Variants in GALNTL6 observed in about 807,000 individuals in gnomAD.
GALNTL6 encodes the protein polypeptide N-acetylgalactosaminyltransferase-like 6.
In GALNTL6, 46 loss-of-function variants were observed where a neutral mutation model predicts 73.7. That is an observed-to-expected ratio of 0.62 (90% CI 0.49 to 0.80). GALNTL6 has a LOEUF of 0.80. Ranked by LOEUF, GALNTL6 falls within the 30% of genes least tolerant of loss-of-function variation. The pLI is 0.00. For missense variants in GALNTL6, 604 were observed against 755.0 expected, an observed-to-expected ratio of 0.80 and a Z score of 2.34; for synonymous variants, 259 against 263.7, an observed-to-expected ratio of 0.98 and a Z score of 0.17.
intron 2 of GALNTL6, among the ~76,000 whole-genome samples, chr4:171,844,136 A>C (rs1735310625): frequency 6.6e-6 from 1 of 152,268 alleles, no homozygotes; most frequent in East Asian, 1.9e-4. Context: ...ATATTTCTTA[A>C]TGTTACCTAT....
intron 2 of GALNTL6, among the ~76,000 whole-genome samples, chr4:171,916,944 G>A (rs1383819389): frequency 2.0e-5 from 3 of 151,938 alleles, no homozygotes; most frequent in Non-Finnish European, 2.9e-5. Flanking sequence ...ACCCACGCAG[G>A]GAGAGTTTAG....
At chr4:172,973,473 A>C (rs1034700182) in intron 10 of GALNTL6, among the ~76,000 whole-genome samples, 1 of 152,208 alleles carries the variant, frequency 6.6e-6, no homozygotes, top group African/African-American at 2.4e-5. Flanking sequence ...AATTTAGTCA[A>C]TAAGTCCGTG....
chr4:172,417,343 C>T (rs753717018), intron 5 of GALNTL6, among the ~76,000 whole-genome samples: 9 of 152,096 alleles, frequency 5.9e-5, no homozygotes, highest in African/African-American at 2.2e-4. Context: ...AAGCCTAAGA[C>T]CTCAGTTTGT....
chr4:173,007,282 G>A (rs1752343953), intron 10 of GALNTL6, among the ~76,000 whole-genome samples: 1 of 152,130 alleles, frequency 6.6e-6, no homozygotes, highest in African/African-American at 2.4e-5. Flanking sequence ...CCAGGCAAAA[G>A]AACCTTGGTT....
intron 10 of GALNTL6, among the ~76,000 whole-genome samples, chr4:172,994,589 C>G (rs1751693671): frequency 6.6e-6 from 1 of 152,176 alleles, no homozygotes; most frequent in South Asian, 2.1e-4. Context: ...CTTTGTTCCC[C>G]TTAAAGAGCC....
intron 2 of GALNTL6, among the ~76,000 whole-genome samples, chr4:172,092,875 CTTTTT>C (rs201817743): frequency 7.7e-6 from 1 of 130,372 alleles, no homozygotes; most frequent in Non-Finnish European, 1.7e-5. Flanking sequence ...TTTTTCTTTT[CTTTTT>C]TTTTTTTTTT....
At chr4:172,939,140 T>G (rs2111341320) in intron 9 of GALNTL6, among the ~76,000 whole-genome samples, 1 of 152,192 alleles carries the variant, frequency 6.6e-6, no homozygotes, top group Non-Finnish European at 1.5e-5. Flanking sequence ...AGTTTTTTTT[T>G]TTAAAGTTAC....
chr4:171,891,489 T>C (rs1436172397), intron 2 of GALNTL6, among the ~76,000 whole-genome samples: 1 of 152,156 alleles, frequency 6.6e-6, no homozygotes, highest in African/African-American at 2.4e-5. Flanking sequence ...AACAGGTAGA[T>C]TGAAAAAAAG....
At chr4:172,119,039 G>T (rs1042242778) in intron 2 of GALNTL6, among the ~76,000 whole-genome samples, 3 of 151,856 alleles carry the variant, frequency 2.0e-5, no homozygotes, top group Non-Finnish European at 4.4e-5. Context: ...TGAGTACATG[G>T]TCTTAATAAA....
intron 5 of GALNTL6, among the ~76,000 whole-genome samples, chr4:172,414,567 T>C (rs1477467953): frequency 6.6e-6 from 1 of 152,166 alleles, no homozygotes; most frequent in Non-Finnish European, 1.5e-5. Context: ...TATTGTCAAA[T>C]AGAGCACACT....
At chr4:172,066,535 C>CTT (rs34015763) in intron 2 of GALNTL6, among the ~76,000 whole-genome samples, 3,152 of 142,328 alleles carry the variant, frequency 0.022, 39 homozygotes, top group Non-Finnish European at 0.03. Context: ...CTGACCTGGA[C>CTT]TTTTTTTTTT....
chr4:172,677,649 A>G (rs1402986775), intron 5 of GALNTL6, among the ~76,000 whole-genome samples: 1 of 152,112 alleles, frequency 6.6e-6, no homozygotes. Context: ...CTGGCCAGCC[A>G]CGGTGGCCAA....
At chr4:171,853,172 A>C (rs1735572736) in intron 2 of GALNTL6, among the ~76,000 whole-genome samples, 1 of 151,854 alleles carries the variant, frequency 6.6e-6, no homozygotes, top group Admixed American at 6.6e-5. Context: ...CAGATGTAGG[A>C]GGTTAAAGGG....
intron 5 of GALNTL6, among the ~76,000 whole-genome samples, chr4:172,662,150 A>T (rs1731410236): frequency 6.6e-6 from 1 of 152,014 alleles, no homozygotes; most frequent in Admixed American, 6.6e-5. Flanking sequence ...GGCTTAAGGG[A>T]TAAAGAAAAC....
intron 3 of GALNTL6, among the ~76,000 whole-genome samples, chr4:172,283,888 T>G (rs1195807145): frequency 6.6e-6 from 1 of 152,160 alleles, no homozygotes; most frequent in Non-Finnish European, 1.5e-5. Flanking sequence ...CACTTCATTT[T>G]TATAATTTAT....
chr4:171,898,735 G>GT (rs1158812195), intron 2 of GALNTL6, among the ~76,000 whole-genome samples: 5 of 151,896 alleles, frequency 3.3e-5, no homozygotes, highest in South Asian at 2.1e-4. Flanking sequence ...GTAGGTTGTA[G>GT]TTTTTTTTAA....
At chr4:172,172,616 G>T (rs1464157383) in intron 2 of GALNTL6, among the ~76,000 whole-genome samples, 3 of 152,118 alleles carry the variant, frequency 2.0e-5, no homozygotes, top group Non-Finnish European at 4.4e-5. Context: ...GGCTTCAGAA[G>T]AAATAACCTT....
chr4:172,053,452 G>A (rs1464089326), intron 2 of GALNTL6, among the ~76,000 whole-genome samples: 1 of 152,114 alleles, frequency 6.6e-6, no homozygotes, highest in African/African-American at 2.4e-5. Context: ...CCTGAAAGCT[G>A]CTTCCTTTAG....
chr4:172,879,592 T>C (rs1434622648), intron 7 of GALNTL6, among the ~76,000 whole-genome samples: 5 of 151,858 alleles, frequency 3.3e-5, no homozygotes, highest in Non-Finnish European at 5.9e-5. Context: ...AAGAACATGA[T>C]GTATTCTTAT....
Sources: gnomAD v4.1 joint callset for allele counts (sites outside exome capture counted in the v4.1 genomes callset) on GRCh38, gnomAD v4.1.1 for gene constraint, MANE v1.5 for transcripts, NCBI Gene and HGNC (gene_info 2026-07-23, HGNC 2026-07-21) for gene names.